IL12RB1: variants seen among roughly 807,000 people sequenced by gnomAD.
The protein encoded by IL12RB1 is interleukin 12 receptor subunit beta 1, also known as interleukin-12 receptor subunit beta-1.
IL12RB1 carries 64 observed loss-of-function variants against 94.4 expected under a neutral mutation model. That is an observed-to-expected ratio of 0.68 (90% CI 0.55 to 0.83). The LOEUF (loss-of-function observed/expected upper bound fraction) is 0.83, where lower values mean the gene tolerates loss of function less well. Ranked by LOEUF, IL12RB1 falls within the 40% of genes least tolerant of loss-of-function variation. The pLI is 0.00. For synonymous variants in IL12RB1, 362 were observed against 355.5 expected, an observed-to-expected ratio of 1.02 and a Z score of -0.21; for missense variants, 814 against 855.6, an observed-to-expected ratio of 0.95 and a Z score of 0.61.
rs1160101438 is a variant in IL12RB1, at chr19:18,064,932, C to A, written c.1484-922G>T. Among the ~76,000 whole-genome samples, 3 of 152,188 alleles carry A rather than the reference C, an allele frequency of 2.0e-5. No homozygotes were observed. In the East Asian group the frequency reaches 5.8e-4, roughly 29 times the overall value. ...AGTGTGCCATGTCAGTTTACCATTA[C>A]CATGGCAACACCCGGAAATTACCGC... On this transcript the variant is annotated intron_variant, in intron 12 of 16. Coordinates refer to ENST00000593993, the MANE Select transcript of IL12RB1 (RefSeq NM_005535.3).
At chr19:18,080,810 G>GA (rs1568514363) in intron 4 of IL12RB1, 22 bp downstream of exon 4, 2 of 1,550,396 alleles carry the variant, frequency 1.3e-6, no homozygotes, top group African/African-American at 2.7e-5. Context: ...AAAAACGGAC[G>GA]GGGGGAGAAC....
At chr19:18,098,599 CG>C (rs535438702) in intron 1 of IL12RB1, among the ~76,000 whole-genome samples, 122 of 152,126 alleles carry the variant, frequency 8.0e-4, no homozygotes, top group African/African-American at 2.8e-3. Context: ...TACATGACCC[CG>C]GGCAGCCACC....
At chr19:18,077,797 G>T (rs1270987298) in intron 4 of IL12RB1, 142 bp from the exon 5 acceptor site, 4 of 701,726 alleles carry the variant, frequency 5.7e-6, no homozygotes, top group South Asian at 1.5e-5. Flanking sequence ...GCTAAGCCTG[G>T]TATATTATGA....
Position 18,063,919 on chromosome 19 carries a change from C to T in IL12RB1, c.1575G>A (p.Ala525=), listed in dbSNP as rs1181443900. The T allele has an allele frequency of 1.1e-5, 17 of 1,613,418 alleles. No homozygotes were observed. Among genetic ancestry groups the T allele is most frequent in the African/African-American group, 1.3e-5 (1 of 74,900 alleles). Residue 525 remains alanine (A), a synonymous_variant, in exon 13 of 17, where the codon GCG becomes GCA. Transcript: ENST00000593993. The part of the protein sequence containing the change: ...AYTVQVRADT[A]WLRGVWSQPQ... ...GCTGGCTCCAGACACCCCTCAGCCA[C>T]GCTGTGTCTGCTCGCACCTGCACCG...
At position 18,071,023 on chromosome 19, in the gene IL12RB1, G is replaced by T. The variant is rs541682584; in HGVS notation, c.1021+1089C>A. 181 of 212,034 alleles carry T rather than the reference G, an allele frequency of 8.5e-4. 3 individuals carry two copies. The South Asian group carries it at 9.7e-3, about 11-fold the overall frequency. The allele number at this position is 212,034 out of a possible 1,614,324, so 13.1% of individuals were successfully genotyped here. A position where few individuals can be genotyped will look rare whatever the true frequency, so the allele number is the denominator to read the frequency against. On this transcript the variant is annotated intron_variant, in intron 9 of 16. Coordinates refer to ENST00000593993, the MANE Select transcript of IL12RB1 (RefSeq NM_005535.3). Reference sequence around the variant, plus strand: ...AGGCTGAGGTGGGTGGATCACCTGAGGGCAGGAGTTTGAGACCAGCCTGGG... The same window carrying T: ...AGGCTGAGGTGGGTGGATCACCTGATGGCAGGAGTTTGAGACCAGCCTGGG...
At chr19:18,084,319 A>ATCCATCC (rs2036164942) in intron 1 of IL12RB1, among the ~76,000 whole-genome samples, 2 of 84,822 alleles carry the variant, frequency 2.4e-5, no homozygotes, top group Non-Finnish European at 5.0e-5. Flanking sequence ...TCCATCCATC[A>ATCCATCC]ATCCATGTAT....
intron 1 of IL12RB1, among the ~76,000 whole-genome samples, chr19:18,084,949 G>A (rs2036225275): frequency 6.6e-6 from 1 of 152,256 alleles, no homozygotes; most frequent in African/African-American, 2.4e-5. Flanking sequence ...GAGGGTGCAT[G>A]GCAGGGAGAG....
rs181581998 is a variant in IL12RB1 at position 18,095,041 on chromosome 19, T to C, written c.-230+3714A>G. The stretch of plus-strand genomic sequence containing the variant: ...TAAAAATGCAAAAATTAGCTGGGAG[T>C]GGTGGCGGGTGTCTGTAATCCCAGC... On this transcript the variant is annotated intron_variant, in intron 1 of 4. Coordinates refer to the IL12RB1 transcript ENST00000594176. Among the ~76,000 whole-genome samples the C allele has an allele frequency of 8.2e-3, 1,236 of 151,164 alleles. 16 individuals carry two copies. The highest frequency in any genetic ancestry group is 0.01 in the Non-Finnish European group (709 of 67,786).
chr19:18,067,727 C>T (rs2034695644), intron 11 of IL12RB1, among the ~76,000 whole-genome samples: 1 of 152,160 alleles, frequency 6.6e-6, no homozygotes. Context: ...GGCTTGAACC[C>T]GGGAGGCAGA....
At chr19:18,082,034 C>T in intron 3 of IL12RB1, 116 bp downstream of exon 3, 1 of 720,546 alleles carries the variant, frequency 1.4e-6, no homozygotes, top group East Asian at 2.7e-5. Context: ...AACTGAAGCC[C>T]AGGAAGGAGT....
chr19:18,071,156 T>A, intron 9 of IL12RB1: 1 of 320,878 alleles, frequency 3.1e-6, no homozygotes, highest in Non-Finnish European at 6.1e-6. Context: ...GTGGATCACT[T>A]GAGGTCAGGA....
At chr19:18,089,585 A>G (rs562474279), upstream of IL12RB1, among the ~76,000 whole-genome samples, 2 of 151,060 alleles carry the variant, frequency 1.3e-5, no homozygotes, top group Admixed American at 6.6e-5. Flanking sequence ...AGATCACACC[A>G]CTGCACTCCC....
chr19:18,069,668 A>T lies in IL12RB1; in HGVS notation c.1067T>A (p.Met356Lys), dbSNP rs1269831268. ...NISVGTNGTT[M>K]YWPARAQSMT... is the part of the protein sequence containing the mutation. ...GCTCTGAGCCCGGGCTGGCCAATAC[A>T]TGGTGGTCCCGTTGGTTCCGACGCT... Residue 356 changes from methionine to lysine, a missense_variant, in exon 10 of 17, where the codon ATG becomes AAG. By Grantham distance (95) the Met-to-Lys change is moderately conservative (BLOSUM62 -1). Coordinates refer to ENST00000593993, the MANE Select transcript of IL12RB1 (RefSeq NM_005535.3). 6.2e-7 allele frequency: 1 copy of T among 1,612,288 alleles called. No homozygotes were observed.
Position 18,077,782 on chromosome 19 carries a change from T to C in IL12RB1, c.410-127A>G, listed in dbSNP as rs990521398. On this transcript the variant is annotated intron_variant, in intron 4 of 16. Transcript: ENST00000593993. Reference sequence around the variant, plus strand: ...ATATGAATTAGGGGACACTTGCAGGTCCCAGCTAAGCCTGGTATATTATGA... The same window carrying C: ...ATATGAATTAGGGGACACTTGCAGGCCCCAGCTAAGCCTGGTATATTATGA... 4 of 723,972 alleles carry C rather than the reference T, an allele frequency of 5.5e-6. No homozygotes were observed. The African/African-American group carries it at 7.0e-5, about 13-fold the overall frequency. The allele number at this position is 723,972 out of a possible 1,614,324, so 44.8% of individuals were successfully genotyped here.
chr19:18,061,233 GTTTT>G, intron 14 of IL12RB1, 36 bp from the exon 15 acceptor site: 2 of 823,464 alleles, frequency 2.4e-6, no homozygotes, highest in African/African-American at 1.8e-5. Flanking sequence ...AGGAGCTGAG[GTTTT>G]TTTTTTTTTT....
chr19:18,061,394 C>G (rs1212210452), intron 14 of IL12RB1, among the ~76,000 whole-genome samples, 197 bp from the exon 15 acceptor site: 3 of 152,136 alleles, frequency 2.0e-5, no homozygotes. Context: ...CCACACCCGG[C>G]TAATTTTTGT....
chr19:18,069,046 G>A (rs967593604), intron 10 of IL12RB1, among the ~76,000 whole-genome samples: 8 of 152,170 alleles, frequency 5.3e-5, no homozygotes, highest in Admixed American at 2.6e-4. Context: ...CACCTTGCCC[G>A]GACAATGGGG....
intron 3 of IL12RB1, 147 bp from the exon 4 acceptor site, chr19:18,081,148 T>G: frequency 1.4e-6 from 1 of 727,036 alleles, no homozygotes; most frequent in South Asian, 1.7e-5. Context: ...CAGGCTGGAG[T>G]GCAGTCGCGC....
intron 9 of IL12RB1, chr19:18,071,436 G>A (rs2035036878): frequency 3.3e-6 from 2 of 601,960 alleles, no homozygotes; most frequent in South Asian, 3.3e-5. Context: ...AAAGAGTGTA[G>A]CTCTATCAAC....
Sources: gnomAD v4.1 joint callset for allele counts (sites outside exome capture counted in the v4.1 genomes callset) on GRCh38, gnomAD v4.1.1 for gene constraint, MANE v1.5 for transcripts, NCBI Gene and HGNC (gene_info 2026-07-23, HGNC 2026-07-21) for gene names.